The following NXPH2 variants were observed in gnomAD, a reference collection of about 807,000 sequenced individuals.
NXPH2 encodes neurexophilin 2.
NXPH2 carries 5 observed loss-of-function variants against 19.8 expected under a neutral mutation model. The ratio of observed to expected loss-of-function variants is 0.25; its 90% CI spans 0.13 to 0.53. NXPH2 has a LOEUF of 0.53. NXPH2 is among the 20% of genes least tolerant of loss of function. The pLI, the probability that NXPH2 is intolerant of heterozygous loss-of-function variation, is 0.96. For synonymous variants in NXPH2, 154 were observed against 127.4 expected (o/e 1.21, Z -1.41); for missense variants, 289 against 322.8 (o/e 0.90, Z 0.80).
chr2:138,726,519 AACACAC>A (rs57428467), intron 1 of NXPH2, among the ~76,000 whole-genome samples: 87,942 of 146,416 alleles, frequency 0.6, 27,966 homozygotes, highest in Non-Finnish European at 0.71. Context: ...TAAAAAAAGA[AACACAC>A]ACACACACAC....
At chr2:138,768,083 C>T (rs1682120473) in intron 1 of NXPH2, among the ~76,000 whole-genome samples, 3 of 152,108 alleles carry the variant, frequency 2.0e-5, no homozygotes, top group Admixed American at 6.6e-5. Context: ...TTCATAGCAA[C>T]CTGTTCTTAT....
intron 1 of NXPH2, among the ~76,000 whole-genome samples, chr2:138,732,001 A>G (rs1027837860): frequency 6.6e-6 from 1 of 152,176 alleles, no homozygotes; most frequent in Non-Finnish European, 1.5e-5. Context: ...ATAGGCTTCT[A>G]TGGGTGGGCA....
At position 138,727,037 on chromosome 2, in the gene NXPH2, T is replaced by C. The variant is rs1375314647; in HGVS notation, c.51+53154A>G. 1.3e-5 allele frequency among the ~76,000 whole-genome samples: 2 copies of C among 152,258 alleles called. 1 individual carries two copies. Among genetic ancestry groups the C allele is most frequent in the Non-Finnish European group, 2.9e-5 (2 of 68,050 alleles). On this transcript the variant is annotated intron_variant, in intron 1 of 1. Transcript: ENST00000272641. ...ATAGTTGGAATCATATAGTAGAATG[T>C]AGCATTTTCAGATTGGCTCTTTCAC...
intron 1 of NXPH2, among the ~76,000 whole-genome samples, chr2:138,735,841 A>G (rs563899177): frequency 2.6e-4 from 39 of 152,256 alleles, no homozygotes; most frequent in Non-Finnish European, 4.1e-4. Flanking sequence ...CATTGGGTAG[A>G]TACAGCCATT....
intron 1 of NXPH2, among the ~76,000 whole-genome samples, chr2:138,693,968 A>G (rs1680787398): frequency 1.3e-5 from 2 of 152,202 alleles, no homozygotes; most frequent in Admixed American, 6.5e-5. Context: ...AGCTGCAAAC[A>G]TGAGTAAAAC....
Position 138,671,207 on chromosome 2 carries a change from T to A in NXPH2, c.510A>T (p.Glu170Asp). The A allele has an allele frequency of 1.2e-6, 2 of 1,613,890 alleles. No homozygotes were observed. The highest frequency in any genetic ancestry group is 1.7e-6 in the Non-Finnish European group (2 of 1,179,846). The change falls in exon 2 of 2, where the codon GAA becomes GAT. Residue 170 changes from glutamate to aspartate, a missense_variant. Coordinates refer to ENST00000272641, the MANE Select transcript of NXPH2 (RefSeq NM_007226.3). ...LVPPSKVVEF[E>D]VSPQSTLETK... ...TCTCCAAGGTAGACTGGGGGGAAAC[T>A]TCAAATTCCACCACCTTGGAGGGTG...
At chr2:138,736,073 C>A (rs750369260) in intron 1 of NXPH2, among the ~76,000 whole-genome samples, 1 of 152,196 alleles carries the variant, frequency 6.6e-6, no homozygotes, top group African/African-American at 2.4e-5. Flanking sequence ...CACGGTCTGG[C>A]ATTGAGTGTC....
chr2:138,719,684 G>A (rs1681246256), intron 1 of NXPH2, among the ~76,000 whole-genome samples: 1 of 152,090 alleles, frequency 6.6e-6, no homozygotes, highest in Non-Finnish European at 1.5e-5. Flanking sequence ...TCTGGAGACT[G>A]GGTAACATGG....
Position 138,760,786 on chromosome 2 carries a change from C to A in NXPH2, c.51+19405G>T, listed in dbSNP as rs147863828. Among the ~76,000 whole-genome samples, 50 of 152,322 alleles carry A rather than the reference C, an allele frequency of 3.3e-4. 1 individual carries two copies. In the East Asian group the frequency reaches 9.3e-3, roughly 28 times the overall value. ...ATCACTGCATACTAAAAGTTGTGAA[C>A]TGCTTTCTTAGATTAAAATACCAGA... On this transcript the variant is annotated intron_variant, in intron 1 of 1. Transcript: ENST00000272641.
intron 1 of NXPH2, among the ~76,000 whole-genome samples, chr2:138,766,471 C>T (rs574309390): frequency 4.6e-5 from 7 of 152,256 alleles, no homozygotes; most frequent in Middle Eastern, 3.4e-3. Context: ...AGGTGCTACT[C>T]GCATCTGGGT....
Position 138,720,720 on chromosome 2 carries a change from G to A in NXPH2, c.52-49055C>T, listed in dbSNP as rs560415346. On this transcript the variant is annotated intron_variant, in intron 1 of 1. Coordinates refer to ENST00000272641, the MANE Select transcript of NXPH2 (RefSeq NM_007226.3). ...CACTGGCGCTGTGGCAAGAAAATAC[G>A]GTTCAGATCCCTGTTCTCCCATTTT... Among the ~76,000 whole-genome samples the A allele has an allele frequency of 2.2e-3, 335 of 152,240 alleles. 2 individuals are homozygous for A. The highest frequency in any genetic ancestry group is 3.7e-3 in the Non-Finnish European group (255 of 68,008).
chr2:138,728,925 C>T (rs1375018000), intron 1 of NXPH2, among the ~76,000 whole-genome samples: 1 of 152,210 alleles, frequency 6.6e-6, no homozygotes, highest in Non-Finnish European at 1.5e-5. Flanking sequence ...ACACTACCTC[C>T]TGGTACACTA....
intron 1 of NXPH2, among the ~76,000 whole-genome samples, chr2:138,709,444 C>T (rs549286960): frequency 5.5e-4 from 84 of 151,876 alleles, no homozygotes; most frequent in African/African-American, 1.9e-3. Context: ...ATACCCCTGC[C>T]CCCCTCCCTA....
At chr2:138,766,775 C>G (rs1295639266) in intron 1 of NXPH2, among the ~76,000 whole-genome samples, 1 of 152,112 alleles carries the variant, frequency 6.6e-6, no homozygotes, top group East Asian at 1.9e-4. Context: ...ATTTTGAGGT[C>G]AAATACAAAA....
chr2:138,722,117 T>C (rs1226975935), intron 1 of NXPH2, among the ~76,000 whole-genome samples: 1 of 152,152 alleles, frequency 6.6e-6, no homozygotes, highest in East Asian at 1.9e-4. Flanking sequence ...AATTCACTAG[T>C]AGAAGTAGAC....
chr2:138,697,083 T>C (rs752986030), intron 1 of NXPH2, among the ~76,000 whole-genome samples: 3 of 151,532 alleles, frequency 2.0e-5, no homozygotes, highest in Non-Finnish European at 4.4e-5. Flanking sequence ...AAAATAAGAG[T>C]ATATGTGGTA....
chr2:138,769,106 A>C (rs565933009), intron 1 of NXPH2, among the ~76,000 whole-genome samples: 2 of 152,346 alleles, frequency 1.3e-5, no homozygotes, highest in East Asian at 3.9e-4. Context: ...TCGCAATCTC[A>C]CTCTTAATAG....
At chr2:138,718,690 G>A (rs1282428641) in intron 1 of NXPH2, among the ~76,000 whole-genome samples, 1 of 152,142 alleles carries the variant, frequency 6.6e-6, no homozygotes, top group Non-Finnish European at 1.5e-5. Context: ...TCCTATGAGT[G>A]GCTAAAGGTA....
intron 1 of NXPH2, among the ~76,000 whole-genome samples, chr2:138,778,313 C>T (rs1175457429): frequency 1.3e-5 from 2 of 152,096 alleles, no homozygotes; most frequent in African/African-American, 4.8e-5. Flanking sequence ...AAGCACAATC[C>T]CAAAATGGAT....
Sources: allele counts gnomAD v4.1 joint callset (sites outside exome capture counted in the v4.1 genomes callset), GRCh38; gene constraint gnomAD v4.1.1; transcripts MANE v1.5; gene names NCBI Gene and HGNC (gene_info 2026-07-23, HGNC 2026-07-21).